The following EXOC6 variants were observed in gnomAD, a reference collection of about 807,000 sequenced individuals.
EXOC6 encodes the protein SEC15-like 1.
Under a neutral mutation model 112.5 loss-of-function variants are expected in EXOC6, and 60 were observed. The ratio of observed to expected loss-of-function variants is 0.53; its 90% CI spans 0.43 to 0.66. The LOEUF (loss-of-function observed/expected upper bound fraction) is 0.66. EXOC6 is among the 30% of genes least tolerant of loss of function. The pLI is 0.00. For missense variants in EXOC6, 855 were observed against 957.1 expected (o/e 0.89, Z 1.41); for synonymous variants, 295 against 308.0 (o/e 0.96, Z 0.44).
intron 1 of EXOC6, among the ~76,000 whole-genome samples, chr10:92,849,098 C>G (rs570437845): frequency 6.6e-6 from 1 of 152,204 alleles, no homozygotes; most frequent in African/African-American, 2.4e-5. Context: ...GAAAGCCTGG[C>G]GCGCCGGGCT....
At chr10:92,887,806 A>G (rs542684954) in intron 1 of EXOC6, among the ~76,000 whole-genome samples, 1 of 152,342 alleles carries the variant, frequency 6.6e-6, no homozygotes, top group East Asian at 1.9e-4. Flanking sequence ...TTCTAGGGCC[A>G]GCATTCTATC....
intron 13 of EXOC6, among the ~76,000 whole-genome samples, chr10:92,941,915 C>T (rs1006442775): frequency 5.9e-5 from 9 of 152,216 alleles, no homozygotes; most frequent in Admixed American, 3.9e-4. Context: ...CCATCCTTCT[C>T]CCTTTCAGGA....
chr10:92,978,282 T>C (rs1842707531), intron 18 of EXOC6, among the ~76,000 whole-genome samples: 1 of 152,034 alleles, frequency 6.6e-6, no homozygotes, highest in Non-Finnish European at 1.5e-5. Context: ...TGGTGGCGTG[T>C]ACCTTTAGTC....
At chr10:92,892,633 A>G (rs1016838987) in intron 1 of EXOC6, among the ~76,000 whole-genome samples, 3 of 152,226 alleles carry the variant, frequency 2.0e-5, no homozygotes, top group African/African-American at 7.2e-5. Context: ...AGGGTATGCC[A>G]AAGGCTTTCC....
At chr10:92,846,428 A>G (rs1447721642), upstream of EXOC6, among the ~76,000 whole-genome samples, 2 of 152,210 alleles carry the variant, frequency 1.3e-5, no homozygotes, top group African/African-American at 4.8e-5. Flanking sequence ...GGCTCAAGCA[A>G]TCCTCCTGCC....
upstream of EXOC6, among the ~76,000 whole-genome samples, chr10:92,830,597 G>A (rs375226051): frequency 3.9e-5 from 6 of 152,164 alleles, no homozygotes; most frequent in African/African-American, 1.4e-4. Flanking sequence ...GGGGGTTTGT[G>A]CTGTGCATTG....
chr10:92,894,978 A>G lies in EXOC6; in HGVS notation c.370A>G (p.Asn124Asp), dbSNP rs1408789163. The part of the protein sequence containing the change: ...DIIRCRIQQR[N>D]ITTVVEKLQL... ...CATTCGATGTAGAATTCAGCAGAGA[A>G]ATATTACAACTGTAGTAGAAAAATT... Residue 124 changes from asparagine (N) to aspartate (D), a missense_variant, in exon 4 of 22, where the codon AAT (asparagine) becomes GAT (aspartate). Around this residue, in one of 2 missense-constraint regions of EXOC6, gnomAD observed 405 missense variants for 393.6 expected, o/e 1.03. Coordinates refer to ENST00000260762, the MANE Select transcript of EXOC6 (RefSeq NM_019053.6). 1 of 1,612,764 alleles carries G rather than the reference A, an allele frequency of 6.2e-7. No homozygotes were observed. The highest frequency in any genetic ancestry group is 8.5e-7 in the Non-Finnish European group (1 of 1,179,042).
intron 1 of EXOC6, among the ~76,000 whole-genome samples, chr10:92,873,332 A>G (rs1047761924): frequency 1.3e-5 from 2 of 152,222 alleles, no homozygotes; most frequent in African/African-American, 2.4e-5. Flanking sequence ...AATGTCAGTA[A>G]TACAGAATGT....
intron 1 of EXOC6, among the ~76,000 whole-genome samples, chr10:92,881,497 C>T (rs1390633208): frequency 1.3e-5 from 2 of 152,170 alleles, no homozygotes; most frequent in Non-Finnish European, 2.9e-5. Flanking sequence ...AATAATTGTG[C>T]TCTGTATTAA....
At chr10:92,881,785 G>T (rs895133792) in intron 1 of EXOC6, among the ~76,000 whole-genome samples, 1 of 151,960 alleles carries the variant, frequency 6.6e-6, no homozygotes, top group Admixed American at 6.6e-5. Context: ...CATGGGGGTG[G>T]TTTCTCCCAT....
chr10:92,848,773 G>A, intron 1 of EXOC6, 139 bp downstream of exon 1: 1 of 572,474 alleles, frequency 1.7e-6, no homozygotes, highest in Non-Finnish European at 2.3e-6. Flanking sequence ...GGGGGCGCTC[G>A]CGGGTGGCGG....
intron 9 of EXOC6, among the ~76,000 whole-genome samples, chr10:92,931,078 C>CTCCA (rs1852000010): frequency 7.4e-6 from 1 of 134,590 alleles, no homozygotes; most frequent in African/African-American, 2.9e-5. Flanking sequence ...TACCATTGCA[C>CTCCA]TCCAGCCTGG....
At chr10:93,041,572 G>C (rs548670134) in intron 20 of EXOC6, among the ~76,000 whole-genome samples, 5 of 151,662 alleles carry the variant, frequency 3.3e-5, no homozygotes, top group African/African-American at 1.2e-4. Flanking sequence ...CACCATACCT[G>C]GCTAATTTTT....
chr10:92,989,086 T>G lies in EXOC6; in HGVS notation c.1954-8388T>G, dbSNP rs569560011. 2.0e-5 allele frequency among the ~76,000 whole-genome samples: 3 copies of G among 152,352 alleles called. No individual in the cohort carries two copies. The South Asian group carries it at 6.2e-4, about 32-fold the overall frequency. ...TACTACTGCTGTTTGTAGACTTGCCTTCTTTTCCTTATTGTAGAACTTACA... is the reference window on the plus strand; with the variant it reads ...TACTACTGCTGTTTGTAGACTTGCCGTCTTTTCCTTATTGTAGAACTTACA... On this transcript the variant is annotated intron_variant, in intron 18 of 21. Transcript: ENST00000260762.
At chr10:92,911,857 C>T (rs7073478) in intron 6 of EXOC6, among the ~76,000 whole-genome samples, 42,203 of 150,896 alleles carry the variant, frequency 0.28, 6,146 homozygotes, top group Middle Eastern at 0.37. Context: ...TGTATTTTTT[C>T]TGTCTTGGTA....
intron 1 of EXOC6, among the ~76,000 whole-genome samples, chr10:92,850,150 A>G (rs1411427642): frequency 6.6e-6 from 1 of 152,196 alleles, no homozygotes; most frequent in African/African-American, 2.4e-5. Context: ...ATTTGTGAAA[A>G]TAGTACTGGT....
intron 18 of EXOC6, among the ~76,000 whole-genome samples, chr10:92,990,021 T>C (rs777331580): frequency 6.6e-6 from 1 of 152,158 alleles, no homozygotes; most frequent in Non-Finnish European, 1.5e-5. Context: ...GAACAAACCA[T>C]TGACAATATA....
chr10:92,924,607 C>A (rs1412563601), intron 8 of EXOC6, among the ~76,000 whole-genome samples: 2 of 152,132 alleles, frequency 1.3e-5, no homozygotes, highest in South Asian at 2.1e-4. Flanking sequence ...GTCATCATAT[C>A]TAATGAAATT....
chr10:92,965,353 CATTGAA>C (rs1367300487), intron 17 of EXOC6, among the ~76,000 whole-genome samples: 1 of 152,160 alleles, frequency 6.6e-6, no homozygotes, highest in Admixed American at 6.6e-5. Flanking sequence ...AATTCTTACA[CATTGAA>C]ATTTTTTTTA....
Sources: gnomAD v4.1 joint callset for allele counts (sites outside exome capture counted in the v4.1 genomes callset) on GRCh38, gnomAD v4.1.1 for gene constraint, gnomAD v4.1.1 regional missense constraint, MANE v1.5 for transcripts, NCBI Gene and HGNC (gene_info 2026-07-23, HGNC 2026-07-21) for gene names.